Variants in FA2H observed in about 807,000 individuals in gnomAD.
The protein encoded by FA2H is fatty acid 2-hydroxylase.
FA2H carries 22 observed loss-of-function variants against 44.9 expected under a neutral mutation model. The observed-to-expected ratio is 0.49, with a 90% CI of 0.35 to 0.70. The LOEUF (loss-of-function observed/expected upper bound fraction) is 0.70, where lower values mean the gene tolerates loss of function less well. Ranked by LOEUF, FA2H falls within the 30% of genes least tolerant of loss-of-function variation. The probability of loss-of-function intolerance (pLI) is 0.01; values close to 1 mark genes in which losing one functional copy is unlikely to be tolerated. For missense variants in FA2H, 501 were observed against 504.9 expected (o/e 0.99, Z 0.07); for synonymous variants, 243 against 213.2 (o/e 1.14, Z -1.22).
intron 1 of FA2H, among the ~76,000 whole-genome samples, chr16:74,762,100 T>G (rs1268455802): frequency 1.3e-5 from 2 of 152,124 alleles, no homozygotes; most frequent in Non-Finnish European, 2.9e-5. Flanking sequence ...TGGAGTGCAG[T>G]GGCGTGATCT....
chr16:74,750,416 G>T (rs1267616085), intron 1 of FA2H, among the ~76,000 whole-genome samples: 1 of 152,100 alleles, frequency 6.6e-6, no homozygotes, highest in Non-Finnish European at 1.5e-5. Context: ...ATTTTGAAAT[G>T]CGTCTTTTAT....
intron 1 of FA2H, among the ~76,000 whole-genome samples, chr16:74,767,460 G>T (rs764889184): frequency 2.6e-5 from 4 of 152,204 alleles, no homozygotes; most frequent in Non-Finnish European, 5.9e-5. Context: ...CTTTTCAAAA[G>T]GGACTCTGCA....
At position 74,730,535 on chromosome 16, in the gene FA2H, G is replaced by C. The variant is rs147408376; in HGVS notation, c.364-3149C>G. Among the ~76,000 whole-genome samples, 1,080 of 149,374 alleles carry C rather than the reference G, an allele frequency of 7.2e-3. 13 individuals are homozygous for C. Among genetic ancestry groups the C allele is most frequent in the African/African-American group, 0.025 (999 of 40,118 alleles). ...CATTCCCTCCAGTCCTCTGCCCTAG[G>C]TCTGTAAACACACACACACACACAC... On this transcript the variant is annotated intron_variant, in intron 2 of 6. Transcript: ENST00000219368.
At chr16:74,755,721 A>G (rs1257065428) in intron 1 of FA2H, among the ~76,000 whole-genome samples, 1 of 152,184 alleles carries the variant, frequency 6.6e-6, no homozygotes, top group Non-Finnish European at 1.5e-5. Flanking sequence ...CACCATTCAC[A>G]TTCTACTTTT....
intron 6 of FA2H, among the ~76,000 whole-genome samples, chr16:74,715,577 C>A (rs1961674561): frequency 6.6e-6 from 1 of 152,204 alleles, no homozygotes; most frequent in Non-Finnish European, 1.5e-5. Context: ...TAGGCCTGAG[C>A]CACTGCGCTC....
chr16:74,737,151 C>A (rs550650888), intron 2 of FA2H, among the ~76,000 whole-genome samples: 1 of 152,090 alleles, frequency 6.6e-6, no homozygotes, highest in East Asian at 1.9e-4. Flanking sequence ...GCTGGTCCCC[C>A]GGGTGGAAAG....
At chr16:74,726,098 G>C in intron 4 of FA2H, 127 bp downstream of exon 4, 6 of 710,348 alleles carry the variant, frequency 8.4e-6, no homozygotes, top group African/African-American at 1.7e-5. Flanking sequence ...CTACAGAGAG[G>C]CTTCACCAAA....
intron 1 of FA2H, among the ~76,000 whole-genome samples, chr16:74,744,518 C>A (rs1312052506): frequency 7.1e-6 from 1 of 141,252 alleles, no homozygotes; most frequent in Non-Finnish European, 1.5e-5. Flanking sequence ...GTGGCATGAT[C>A]TTGGCTCACT....
intron 1 of FA2H, among the ~76,000 whole-genome samples, chr16:74,768,138 C>T (rs191091475): frequency 1.3e-5 from 2 of 152,284 alleles, no homozygotes; most frequent in African/African-American, 2.4e-5. Flanking sequence ...ATGCTGTTGC[C>T]GAAGCATCAG....
intron 4 of FA2H, among the ~76,000 whole-genome samples, chr16:74,725,040 C>T (rs1017310381): frequency 6.6e-6 from 1 of 152,176 alleles, no homozygotes; most frequent in African/African-American, 2.4e-5. Flanking sequence ...AGCGAGCAGG[C>T]CTTCTGAGCA....
intron 1 of FA2H, among the ~76,000 whole-genome samples, chr16:74,767,876 GA>G (rs1962837566): frequency 6.6e-6 from 1 of 152,226 alleles, no homozygotes; most frequent in Non-Finnish European, 1.5e-5. Context: ...GCCAGGTGAA[GA>G]AAGTGTACTG....
At chr16:74,766,343 G>A (rs1211668916) in intron 1 of FA2H, among the ~76,000 whole-genome samples, 1 of 151,960 alleles carries the variant, frequency 6.6e-6, no homozygotes. Context: ...CTGTAAGATA[G>A]GTTCAGGTAA....
intron 2 of FA2H, among the ~76,000 whole-genome samples, chr16:74,734,332 C>G (rs1167138906): frequency 1.3e-5 from 2 of 152,272 alleles, no homozygotes; most frequent in Admixed American, 6.5e-5. Context: ...AGGAAGCTGG[C>G]CTGCATGGGC....
At chr16:74,732,006 G>A (rs1194070698) in intron 2 of FA2H, among the ~76,000 whole-genome samples, 2 of 152,134 alleles carry the variant, frequency 1.3e-5, no homozygotes, top group Non-Finnish European at 2.9e-5. Context: ...CCGAGTAGCT[G>A]GGACTATAGG....
At chr16:74,725,958 T>A in intron 4 of FA2H, 6 of 450,646 alleles carry the variant, frequency 1.3e-5, no homozygotes, top group Non-Finnish European at 2.5e-5. Flanking sequence ...ACTCAATCTC[T>A]CTCTCTCTCT....
intron 1 of FA2H, among the ~76,000 whole-genome samples, chr16:74,743,765 A>C (rs1371609265): frequency 1.3e-5 from 2 of 152,176 alleles, no homozygotes; most frequent in African/African-American, 4.8e-5. Context: ...CTGACTAAGC[A>C]AGGTGCTTTC....
At position 74,774,623 on chromosome 16, in the gene FA2H, C is replaced by G; in HGVS notation, c.133G>C (p.Gly45Arg). The G allele has an allele frequency of 4.0e-6, 6 of 1,515,860 alleles. No homozygotes were observed. The highest frequency in any genetic ancestry group is 5.3e-6 in the Non-Finnish European group (6 of 1,140,202). 93.9% of individuals were successfully genotyped at this position (1,515,860 alleles called of 1,614,324 possible). The stretch of plus-strand genomic sequence containing the variant: ...CTGGCCCGCAGCAGCTGCTCGCCCC[C>G]CGGGTGGTGCCGCACGAAGCTGGAG... ...DLSSFVRHHP[G>R]GEQLLRARAG... The change falls in exon 1 of 7, where the codon GGG (glycine) becomes CGG (arginine). Residue 45 changes from glycine to arginine, a missense_variant. Transcript: ENST00000219368.
At chr16:74,721,795 C>A (rs530001218) in intron 4 of FA2H, among the ~76,000 whole-genome samples, 36 of 152,234 alleles carry the variant, frequency 2.4e-4, no homozygotes, top group Non-Finnish European at 4.4e-4. Context: ...CCTCCACATA[C>A]TTCCCCCAAC....
chr16:74,757,805 C>T (rs1355868036), intron 1 of FA2H, among the ~76,000 whole-genome samples: 1 of 151,990 alleles, frequency 6.6e-6, no homozygotes, highest in Non-Finnish European at 1.5e-5. Flanking sequence ...TTGTTTCAGC[C>T]CAGGAGTTTG....
Sources: allele counts gnomAD v4.1 joint callset (sites outside exome capture counted in the v4.1 genomes callset), GRCh38; gene constraint gnomAD v4.1.1; transcripts MANE v1.5; gene names NCBI Gene and HGNC (gene_info 2026-07-23, HGNC 2026-07-21).